SLC34A2: variants seen among roughly 807,000 people sequenced by gnomAD.
SLC34A2 encodes solute carrier family 34 member 2.
In SLC34A2, 41 loss-of-function variants were observed where a neutral mutation model predicts 50.8. That is an observed-to-expected ratio of 0.81 (90% CI 0.63 to 1.05). SLC34A2 has a LOEUF of 1.05. Among genes scored for constraint, SLC34A2 ranks in the 50% least tolerant of loss-of-function variants. The probability of loss-of-function intolerance (pLI) is 0.00; values close to 1 mark genes in which losing one functional copy is unlikely to be tolerated. For missense variants in SLC34A2, 879 were observed against 876.7 expected, an observed-to-expected ratio of 1.00 and a Z score of -0.03; for synonymous variants, 401 against 364.2, an observed-to-expected ratio of 1.10 and a Z score of -1.15.
chr4:25,675,268 T>C (rs1035099934), intron 12 of SLC34A2, among the ~76,000 whole-genome samples: 5 of 152,288 alleles, frequency 3.3e-5, no homozygotes, highest in Non-Finnish European at 5.9e-5. Context: ...CTGGACCTCA[T>C]GATGTGCTTG....
chr4:25,668,007 C>T lies in SLC34A2; in HGVS notation c.635+16C>T. Reference sequence around the variant, plus strand: ...AGTTCAGAAGGTAAGAGGCTCAAAACCAGCCTTTGCGACATCAGCTCTATT... The same window carrying T: ...AGTTCAGAAGGTAAGAGGCTCAAAATCAGCCTTTGCGACATCAGCTCTATT... On this transcript the variant is annotated intron_variant, in intron 6 of 12. Coordinates refer to ENST00000382051, the MANE Select transcript of SLC34A2 (RefSeq NM_006424.3). 1.3e-6 allele frequency: 2 copies of T among 1,516,812 alleles called. No homozygotes were observed. Among genetic ancestry groups the T allele is most frequent in the Non-Finnish European group, 1.8e-6 (2 of 1,091,736 alleles). 94.0% of individuals were successfully genotyped at this position (1,516,812 alleles called of 1,614,324 possible).
rs1227346120 is a variant in SLC34A2, at chr4:25,676,282, T to A, written c.1606T>A (p.Phe536Ile). The A allele has an allele frequency of 6.8e-6, 11 of 1,613,816 alleles. No individual in the cohort carries two copies. The Admixed American group carries it at 8.3e-5, about 12-fold the overall frequency. The change falls in exon 13 of 13, where the codon TTC becomes ATC. Residue 536 changes from phenylalanine (F) to isoleucine (I), a missense_variant. Phe to Ile is a conservative substitution (Grantham distance 21). Transcript: ENST00000382051. Reference sequence around the variant, plus strand: ...GTTCGCCGTCTTCTACCTGATCATCTTCTTCTTCCTGATCCCGCTGACGGT... The same window carrying A: ...GTTCGCCGTCTTCTACCTGATCATCATCTTCTTCCTGATCCCGCTGACGGT... The part of the protein sequence containing the change: ...RWFAVFYLII[F>I]FFLIPLTVFG...
At chr4:25,658,999 G>C (rs1353925483) in intron 1 of SLC34A2, among the ~76,000 whole-genome samples, 1 of 149,894 alleles carries the variant, frequency 6.7e-6, no homozygotes, top group Non-Finnish European at 1.5e-5. Context: ...GATCATGTGG[G>C]AGTGACCTGC....
At position 25,667,891 on chromosome 4, in the gene SLC34A2, C is replaced by A; in HGVS notation, c.535C>A (p.Arg179=). ...TTTCCATCCTCTAGTGCTCACTGTT[C>A]GGGCTGCCATCCCCATTATCATGGG... ...SMVSSSLLTV[R]AAIPIIMGAN... The change falls in exon 6 of 13, where the codon CGG becomes AGG. Residue 179 remains arginine (R), a synonymous_variant. Transcript: ENST00000382051. 1 of 1,611,834 alleles carries A rather than the reference C, an allele frequency of 6.2e-7. No homozygotes were observed. Among genetic ancestry groups the A allele is most frequent in the Non-Finnish European group, 8.5e-7 (1 of 1,177,948 alleles).
intron 10 of SLC34A2, 87 bp from the exon 11 acceptor site, chr4:25,674,209 C>T: frequency 2.2e-6 from 2 of 895,094 alleles, no homozygotes; most frequent in South Asian, 1.4e-5. Context: ...GATGTACAAC[C>T]TCACCCCTAA....
chr4:25,673,415 G>C (rs901825409), intron 10 of SLC34A2, among the ~76,000 whole-genome samples, 161 bp downstream of exon 10: 8 of 152,114 alleles, frequency 5.3e-5, no homozygotes, highest in Non-Finnish European at 1.2e-4. Context: ...AATGTTCTTG[G>C]CATCCTGGGT....
intron 1 of SLC34A2, 81 bp from the exon 2 acceptor site, chr4:25,662,417 A>G: frequency 7.7e-7 from 1 of 1,306,798 alleles, no homozygotes; most frequent in South Asian, 1.2e-5. Context: ...GATGCTTTGC[A>G]ACCAATGGTT....
intron 10 of SLC34A2, 102 bp downstream of exon 10, chr4:25,673,356 C>G (rs1709995474): frequency 6.2e-6 from 7 of 1,132,510 alleles, no homozygotes; most frequent in Non-Finnish European, 5.3e-6. Context: ...CATGGAGTTT[C>G]TCTCTCAGAT....
chr4:25,672,288 C>G (rs1048791582), intron 9 of SLC34A2, among the ~76,000 whole-genome samples: 1 of 152,138 alleles, frequency 6.6e-6, no homozygotes, highest in Non-Finnish European at 1.5e-5. Context: ...AATAAAATAA[C>G]TTTAGGGAGA....
intron 1 of SLC34A2, among the ~76,000 whole-genome samples, chr4:25,657,486 A>C (rs1164229396): frequency 2.0e-5 from 3 of 151,980 alleles, no homozygotes; most frequent in Admixed American, 2.0e-4. Flanking sequence ...AGATGTTTAT[A>C]TTTACAAATT....
In SLC34A2 at chr4:25,659,018, C is replaced by A. The variant is rs1055328814; in HGVS notation, c.-4+3128C>A. Reference sequence around the variant, plus strand: ...ATGTGGGAGTGACCTGCAGACATGCCAATCTAGCCAGCTATCCGAAAACAC... The same window carrying A: ...ATGTGGGAGTGACCTGCAGACATGCAAATCTAGCCAGCTATCCGAAAACAC... On this transcript the variant is annotated intron_variant, in intron 1 of 12. Transcript: ENST00000382051. Among the ~76,000 whole-genome samples the A allele has an allele frequency of 1.1e-4, 16 of 151,548 alleles. 2 individuals are homozygous for A. Among genetic ancestry groups the A allele is most frequent in the Admixed American group, 2.0e-4 (3 of 15,174 alleles).
intron 1 of SLC34A2, among the ~76,000 whole-genome samples, chr4:25,657,239 C>T (rs976783666): frequency 6.6e-6 from 1 of 152,024 alleles, no homozygotes; most frequent in South Asian, 2.1e-4. Context: ...AAAAAAATAG[C>T]CCGAATTCAA....
Position 25,666,253 on chromosome 4 carries a change from AGCATGGTGTCCTC to A in SLC34A2, c.506_518del (p.Ser169IlefsTer72). On this transcript the variant is annotated frameshift_variant, in exon 5 of 13. Transcript: ENST00000382051. LOFTEE classifies it high-confidence loss of function. ...CAGCACCTCAACGTCCATCGTTGTC[AGCATGGTGTCCTC>A]TTCATGTGAGTCGGGGCACCCATGA... The A allele has an allele frequency of 6.2e-7, 1 of 1,613,984 alleles. No individual in the cohort carries two copies. Among genetic ancestry groups the A allele is most frequent in the Non-Finnish European group, 8.5e-7 (1 of 1,180,018 alleles).
intron 10 of SLC34A2, 79 bp downstream of exon 10, chr4:25,673,333 G>A: frequency 7.6e-7 from 1 of 1,309,216 alleles, no homozygotes; most frequent in Non-Finnish European, 1.1e-6. Flanking sequence ...TTCCCATCTA[G>A]CAATGGCCTC....
At position 25,666,150 on chromosome 4, in the gene SLC34A2, C is replaced by T. The variant is rs1437120772; in HGVS notation, c.402C>T (p.Phe134=). ...CAGGAAAAATGGCAGGACAGTTCTTCAGCAACAGCTCTATTATGTCCAACC... is the reference window on the plus strand; with the variant it reads ...CAGGAAAAATGGCAGGACAGTTCTTTAGCAACAGCTCTATTATGTCCAACC... ...LVGGKMAGQF[F]SNSSIMSNPL... is the part of the protein sequence containing the mutation. Residue 134 remains phenylalanine (F), a synonymous_variant, in exon 5 of 13, where the codon TTC becomes TTT. Coordinates refer to ENST00000382051, the MANE Select transcript of SLC34A2 (RefSeq NM_006424.3). 1 of 1,613,860 alleles carries T rather than the reference C, an allele frequency of 6.2e-7. No homozygotes were observed. Among genetic ancestry groups the T allele is most frequent in the African/African-American group, 1.3e-5 (1 of 75,048 alleles).
rs751290402 is a variant in SLC34A2 at position 25,664,217 on chromosome 4, G to C, written c.266G>C (p.Gly89Ala). The change falls in exon 4 of 13, where the codon GGG (glycine) becomes GCG (alanine). Residue 89 changes from glycine to alanine, a missense_variant. By Grantham distance (60) the Gly-to-Ala change is moderately conservative. Coordinates refer to ENST00000382051, the MANE Select transcript of SLC34A2 (RefSeq NM_006424.3). Reference sequence around the variant, plus strand: ...CCCCCTGCAGAGAGAGACACCAAAGGGAAGATTCTCTGTTTCTTCCAAGGG... The same window carrying C: ...CCCCCTGCAGAGAGAGACACCAAAGCGAAGATTCTCTGTTTCTTCCAAGGG... ...GIKWSERDTK[G>A]KILCFFQGIG... 1.4e-5 allele frequency: 22 copies of C among 1,612,902 alleles called. No homozygotes were observed. The highest frequency in any genetic ancestry group is 1.9e-5 in the Non-Finnish European group (22 of 1,179,436).
intron 1 of SLC34A2, among the ~76,000 whole-genome samples, chr4:25,660,830 C>G (rs1052093802): frequency 1.3e-5 from 2 of 152,188 alleles, no homozygotes; most frequent in African/African-American, 4.8e-5. Context: ...CAGGCATGAG[C>G]CACTGTGCCC....
rs1470908454 is a variant in SLC34A2 at position 25,664,222 on chromosome 4, ATTCTCTGT to A, written c.276_283del (p.Cys93ProfsTer24). 1 of 1,597,778 alleles carries A rather than the reference ATTCTCTGT, an allele frequency of 6.3e-7. No individual in the cohort carries two copies. Among genetic ancestry groups the A allele is most frequent in the Admixed American group, 1.7e-5 (1 of 59,508 alleles). On this transcript the variant is annotated frameshift_variant, in exon 4 of 13. Coordinates refer to ENST00000382051, the MANE Select transcript of SLC34A2 (RefSeq NM_006424.3). LOFTEE classifies it high-confidence loss of function. Reference sequence around the variant, plus strand: ...TGCAGAGAGAGACACCAAAGGGAAGATTCTCTGTTTCTTCCAAGGGATTGGGAGATTGA... The same window carrying A: ...TGCAGAGAGAGACACCAAAGGGAAGATTCTTCCAAGGGATTGGGAGATTGA...
At chr4:25,662,956 C>T (rs933080778) in intron 3 of SLC34A2, 114 bp downstream of exon 3, 3 of 1,267,366 alleles carry the variant, frequency 2.4e-6, no homozygotes. Context: ...AAGCAAGGGT[C>T]CTGGCTAGGG....
Sources: gnomAD v4.1 joint callset for allele counts (sites outside exome capture counted in the v4.1 genomes callset) on GRCh38, gnomAD v4.1.1 for gene constraint, MANE v1.5 for transcripts, NCBI Gene and HGNC (gene_info 2026-07-23, HGNC 2026-07-21) for gene names.